The following ELP1 variants were observed in gnomAD, a reference collection of about 807,000 sequenced individuals.
ELP1 encodes the protein elongator acetyltransferase complex subunit 1.
In ELP1, 131 loss-of-function variants were observed where a neutral mutation model predicts 183.2. The ratio of observed to expected loss-of-function variants is 0.72; its 90% CI spans 0.62 to 0.83. The LOEUF (loss-of-function observed/expected upper bound fraction) is 0.83. Among genes scored for constraint, ELP1 ranks in the 40% least tolerant of loss-of-function variants. ELP1 has a pLI of 0.00. For synonymous variants in ELP1, 555 were observed against 569.0 expected (o/e 0.98, Z 0.35); for missense variants, 1,550 against 1,594.9 (o/e 0.97, Z 0.48).
intron 12 of ELP1, among the ~76,000 whole-genome samples, chr9:108,910,302 T>A (rs1157126580): frequency 6.6e-6 from 1 of 152,220 alleles, no homozygotes; most frequent in African/African-American, 2.4e-5. Context: ...AAAGCTGATA[T>A]GAAAGTAAGG....
rs202080366 is a variant in ELP1, at chr9:108,880,095, C to T, written c.3417G>A (p.Leu1139=). ...ATFSRHKKRL[L]VVRELKEQAQ... ...CTTGCTCCTTGAGCTCTCGAACTACCAATAAACGTTTCTTGTGGCGACTGA... is the reference window on the plus strand; with the variant it reads ...CTTGCTCCTTGAGCTCTCGAACTACTAATAAACGTTTCTTGTGGCGACTGA... Residue 1139 remains leucine (L), a synonymous_variant, in exon 32 of 37, where the codon TTG becomes TTA. Transcript: ENST00000374647. 1 of 1,614,154 alleles carries T rather than the reference C, an allele frequency of 6.2e-7. No individual in the cohort carries two copies. Among genetic ancestry groups the T allele is most frequent in the Middle Eastern group, 1.6e-4 (1 of 6,062 alleles).
intron 8 of ELP1, 117 bp downstream of exon 8, chr9:108,918,694 T>C (rs904542052): frequency 3.8e-6 from 3 of 799,358 alleles, no homozygotes; most frequent in South Asian, 1.4e-5. Context: ...TATAACCAAA[T>C]GAAGAAACGT....
rs1156655681 is a variant in ELP1 at position 108,896,948 on chromosome 9, T to A, written c.2587+5A>T. The stretch of plus-strand genomic sequence containing the variant: ...TAAGCACTTTCTCTGTGAGCGGATC[T>A]CTACCTTGAAGCTCGTGTACTTTTT... On this transcript the variant is annotated splice_donor_5th_base_variant and intron_variant, in intron 24 of 36. Coordinates refer to ENST00000374647, the MANE Select transcript of ELP1 (RefSeq NM_003640.5). 1.2e-6 allele frequency: 2 copies of A among 1,613,222 alleles called. No individual in the cohort carries two copies.
rs147565612 is a variant in ELP1 at position 108,875,836 on chromosome 9, C to T, written c.3856-866G>A. ...GGAGGACTGCTTTAGCCCAGGCATT[C>T]GAGGCTGCACCAAGCCATGATTGAT... is the stretch of plus-strand genomic sequence containing the variant. On this transcript the variant is annotated intron_variant, in intron 35 of 36. Coordinates refer to ENST00000374647, the MANE Select transcript of ELP1 (RefSeq NM_003640.5). The T allele has an allele frequency of 6.0e-5, 17 of 284,836 alleles. No individual in the cohort carries two copies. In the East Asian group the frequency reaches 7.8e-4, roughly 13 times the overall value. 17.6% of individuals were successfully genotyped at this position (284,836 alleles called of 1,614,324 possible).
In ELP1 at chr9:108,913,051, TGC is replaced by T. The variant is rs1829292774; in HGVS notation, c.959-559_959-558del. On this transcript the variant is annotated intron_variant, in intron 10 of 36. Transcript: ENST00000374647. ...CTGAGATTACAGGCCTGAGCCACCG[TGC>T]CTGGCCCACATGTTTATTTTCAACT... Among the ~76,000 whole-genome samples the T allele has an allele frequency of 9.2e-5, 14 of 151,750 alleles. No homozygotes were observed. The South Asian group carries it at 1.5e-3, about 16-fold the overall frequency.
At chr9:108,924,718 C>T (rs1182829542) in intron 5 of ELP1, among the ~76,000 whole-genome samples, 1 of 152,146 alleles carries the variant, frequency 6.6e-6, no homozygotes, top group Non-Finnish European at 1.5e-5. Flanking sequence ...TCCTGAGCTT[C>T]AGCCTTATAT....
In ELP1 at chr9:108,903,000, T is replaced by C. The variant is rs1828869943; in HGVS notation, c.1751-58A>G. ...CTGATGCGCTCTTTGCAAAAAACCA[T>C]CAACATCAACATTTGCTAAAACACT... On this transcript the variant is annotated intron_variant, in intron 15 of 36. Coordinates refer to ENST00000374647, the MANE Select transcript of ELP1 (RefSeq NM_003640.5). The C allele has an allele frequency of 2.5e-6, 3 of 1,217,882 alleles. No homozygotes were observed. The South Asian group carries it at 3.7e-5, about 15-fold the overall frequency. 75.4% of individuals were successfully genotyped at this position (1,217,882 alleles called of 1,614,324 possible).
intron 29 of ELP1, among the ~76,000 whole-genome samples, chr9:108,888,112 A>T (rs1828197595): frequency 6.6e-6 from 1 of 152,252 alleles, no homozygotes; most frequent in Admixed American, 6.5e-5. Flanking sequence ...TACAACATGG[A>T]TGCATCTCCA....
chr9:108,893,211 G>A, intron 26 of ELP1, 128 bp from the exon 27 acceptor site: 1 of 708,846 alleles, frequency 1.4e-6, no homozygotes, highest in Non-Finnish European at 2.5e-6. Flanking sequence ...CAGAGAATCT[G>A]AAGAATGGGA....
chr9:108,931,603 T>C (rs909197151), intron 1 of ELP1, among the ~76,000 whole-genome samples: 1 of 152,248 alleles, frequency 6.6e-6, no homozygotes, highest in Non-Finnish European at 1.5e-5. Flanking sequence ...ATTAGCACTA[T>C]TTGAAAATCC....
At chr9:108,885,761 A>T (rs10126042) in intron 29 of ELP1, among the ~76,000 whole-genome samples, 33,124 of 151,862 alleles carry the variant, frequency 0.22, 4,021 homozygotes, top group African/African-American at 0.32. Flanking sequence ...CCCAAGGAAC[A>T]ACTCACTAGT....
intron 6 of ELP1, among the ~76,000 whole-genome samples, chr9:108,922,253 C>T (rs796609262): frequency 2.6e-4 from 39 of 152,220 alleles, no homozygotes; most frequent in African/African-American, 8.2e-4. Flanking sequence ...TAATGTGACA[C>T]GGACACTACT....
Position 108,898,528 on chromosome 9 carries a change from A to G in ELP1, c.2337T>C (p.His779=), listed in dbSNP as rs1196767254. The change falls in exon 22 of 37, where the codon CAT becomes CAC. Residue 779 remains histidine, a synonymous_variant. Transcript: ENST00000374647. ...TFIKQIDSVN[H]INLFFTELKE... ...TCAATTCTGTAAAAAACAAGTTAAT[A>G]TGATTCACAGAATCTATCTGTTTAA... 3 of 1,590,426 alleles carry G rather than the reference A, an allele frequency of 1.9e-6. No homozygotes were observed. Among genetic ancestry groups the G allele is most frequent in the South Asian group, 2.2e-5 (2 of 90,326 alleles).
At chr9:108,890,108 G>C (rs1431773574) in intron 28 of ELP1, among the ~76,000 whole-genome samples, 1 of 152,120 alleles carries the variant, frequency 6.6e-6, no homozygotes, top group Non-Finnish European at 1.5e-5. Context: ...GAGCTGTAAA[G>C]AATAGAAGAG....
At chr9:108,884,080 T>C (rs1208003421) in intron 29 of ELP1, among the ~76,000 whole-genome samples, 3 of 146,966 alleles carry the variant, frequency 2.0e-5, no homozygotes, top group African/African-American at 7.8e-5. Context: ...AGATTAAAAG[T>C]AAAAGGATAG....
At chr9:108,870,209 C>T (rs545657105) in intron 36 of ELP1, among the ~76,000 whole-genome samples, 3 of 152,284 alleles carry the variant, frequency 2.0e-5, no homozygotes, top group East Asian at 1.9e-4. Context: ...CTCGTTCCAC[C>T]CACCTCAGCC....
chr9:108,918,822 G>T lies in ELP1; in HGVS notation c.729C>A (p.Ala243=). ...CTTCTCCCACTCACTTCCAAGCCAG[G>T]GCTGGTCCCAGTCCTGCCACAGGCT... The part of the protein sequence containing the change: ...TSEPVAGLGP[A]LAWKPSGSLI... The change falls in exon 8 of 37, where the codon GCC becomes GCA. Residue 243 remains alanine (A), a synonymous_variant. Coordinates refer to ENST00000374647, the MANE Select transcript of ELP1 (RefSeq NM_003640.5). The T allele has an allele frequency of 1.2e-6, 2 of 1,613,628 alleles. No homozygotes were observed. The highest frequency in any genetic ancestry group is 2.2e-5 in the South Asian group (2 of 91,052).
Position 108,879,631 on chromosome 9 carries a change from GAACT to G in ELP1, c.3461-78_3461-75del, listed in dbSNP as rs10550153. ...TGGGTTTACTTTCAGGGCGGTAAAT[GAACT>G]AACTAGAGTCAACTGGTGCATATCA... On this transcript the variant is annotated intron_variant, in intron 32 of 36. Coordinates refer to ENST00000374647, the MANE Select transcript of ELP1 (RefSeq NM_003640.5). 0.17 allele frequency: 167,885 copies of G among 967,942 alleles called. 17,172 individuals are homozygous for G. Among genetic ancestry groups the G allele is most frequent in the East Asian group, 0.32 (13,081 of 41,096 alleles). 60.0% of individuals were successfully genotyped at this position (967,942 alleles called of 1,614,324 possible). A position where few individuals can be genotyped will look rare whatever the true frequency, so the allele number is the denominator to read the frequency against.
At chr9:108,916,376 T>C in intron 9 of ELP1, 79 bp from the exon 10 acceptor site, 1 of 1,145,926 alleles carries the variant, frequency 8.7e-7, no homozygotes, top group Non-Finnish European at 1.3e-6. Context: ...GTATTTCCTC[T>C]CTCAAATCAA....
Sources: gnomAD v4.1 joint callset for allele counts (sites outside exome capture counted in the v4.1 genomes callset) on GRCh38, gnomAD v4.1.1 for gene constraint, MANE v1.5 for transcripts, NCBI Gene and HGNC (gene_info 2026-07-23, HGNC 2026-07-21) for gene names.